The following ABCA13 variants were observed in gnomAD, a reference collection of about 807,000 sequenced individuals.
ABCA13 encodes the protein ATP-binding cassette sub-family A member 13.
In ABCA13, 476 loss-of-function variants were observed where a neutral mutation model predicts 478.7. The ratio of observed to expected loss-of-function variants is 0.99; its 90% confidence interval spans 0.92 to 1.07. The LOEUF (loss-of-function observed/expected upper bound fraction) is 1.07. Ranked by LOEUF, ABCA13 falls within the 50% of genes least tolerant of loss-of-function variation. The probability of loss-of-function intolerance (pLI) is 0.00; values close to 1 mark genes in which losing one functional copy is unlikely to be tolerated. For synonymous variants in ABCA13, 2,252 were observed against 2,158.9 expected (o/e 1.04, Z -1.20); for missense variants, 6,060 against 5,910.6 (o/e 1.03, Z -0.83).
At position 48,252,553 on chromosome 7, in the gene ABCA13, T is replaced by C. The variant is rs1792737800; in HGVS notation, c.2005+3202T>C. Among the ~76,000 whole-genome samples the C allele has an allele frequency of 3.9e-5, 6 of 152,148 alleles. No homozygotes were observed. In the South Asian group the frequency reaches 1.2e-3, roughly 32 times the overall value. ...TAGGCAATTGTAACATGATAGTAAG[T>C]ATTTGTGTATTTAAGCCTATATAAC... On this transcript the variant is annotated intron_variant, in intron 15 of 61. Coordinates refer to ENST00000435803, the MANE Select transcript of ABCA13 (RefSeq NM_152701.5).
intron 19 of ABCA13, among the ~76,000 whole-genome samples, chr7:48,285,355 G>A (rs766099901): frequency 3.9e-5 from 6 of 152,326 alleles, no homozygotes; most frequent in Non-Finnish European, 7.3e-5. Flanking sequence ...GCCAGGGATT[G>A]GGAGAGGCAA....
At chr7:48,351,135 A>T (rs1400207069) in intron 30 of ABCA13, among the ~76,000 whole-genome samples, 1 of 152,196 alleles carries the variant, frequency 6.6e-6, no homozygotes, top group Non-Finnish European at 1.5e-5. Context: ...ATCTCACACC[A>T]TAAGTTATAT....
chr7:48,523,490 A>G (rs1357209905), intron 53 of ABCA13, among the ~76,000 whole-genome samples: 2 of 152,024 alleles, frequency 1.3e-5, no homozygotes, highest in Non-Finnish European at 2.9e-5. Context: ...ATTACATGGC[A>G]ATTTACACTG....
chr7:48,477,565 AAAT>A (rs1828258443), intron 45 of ABCA13, among the ~76,000 whole-genome samples: 2 of 152,146 alleles, frequency 1.3e-5, no homozygotes, highest in African/African-American at 4.8e-5. Context: ...CAGCCATAAA[AAAT>A]AATGAGTTCA....
intron 1 of ABCA13, among the ~76,000 whole-genome samples, chr7:48,181,557 C>CAT (rs36146125): frequency 1.2e-3 from 177 of 146,646 alleles, no homozygotes; most frequent in East Asian, 7.0e-3. Flanking sequence ...AATGTTTTAT[C>CAT]TTTTTTTTTT....
intron 16 of ABCA13, among the ~76,000 whole-genome samples, chr7:48,271,401 G>A (rs1795588722): frequency 6.6e-6 from 1 of 152,096 alleles, no homozygotes; most frequent in Non-Finnish European, 1.5e-5. Flanking sequence ...CTACAGGCAT[G>A]GTTTCTAATG....
At chr7:48,430,620 G>A (rs957753859) in intron 42 of ABCA13, among the ~76,000 whole-genome samples, 5 of 148,806 alleles carry the variant, frequency 3.4e-5, no homozygotes, top group Non-Finnish European at 5.9e-5. Flanking sequence ...GTTGCAGTGA[G>A]CTGAGATTGT....
intron 47 of ABCA13, 59 bp from the exon 48 acceptor site, chr7:48,489,177 G>T: frequency 7.2e-7 from 1 of 1,391,656 alleles, no homozygotes; most frequent in South Asian, 1.3e-5. Context: ...CAGAATAGTT[G>T]ACAAACAGAC....
intron 4 of ABCA13, among the ~76,000 whole-genome samples, chr7:48,220,225 T>A (rs970688106): frequency 6.6e-6 from 1 of 152,198 alleles, no homozygotes; most frequent in Non-Finnish European, 1.5e-5. Context: ...GGCAGCCAGT[T>A]GCCTCTCTTC....
chr7:48,340,132 G>A (rs1460433073), intron 29 of ABCA13, among the ~76,000 whole-genome samples: 2 of 151,904 alleles, frequency 1.3e-5, no homozygotes, highest in Admixed American at 1.3e-4. Context: ...TTAGACAAGA[G>A]TTTTGCTCTT....
At chr7:48,423,381 C>T (rs1269424982) in intron 41 of ABCA13, among the ~76,000 whole-genome samples, 1 of 152,202 alleles carries the variant, frequency 6.6e-6, no homozygotes, top group Non-Finnish European at 1.5e-5. Context: ...AAAATTTGGT[C>T]AGCTTCAAAA....
Position 48,310,153 on chromosome 7 carries a change from A to G in ABCA13, c.9516+12A>G, listed in dbSNP as rs775097893. On this transcript the variant is annotated intron_variant, in intron 24 of 61. Coordinates refer to ENST00000435803, the MANE Select transcript of ABCA13 (RefSeq NM_152701.5). ...CTTTCATTTACAAGGTATGGAGAGC[A>G]TGCTGGCTGGGGGCAGTCCTCTGCA... 4 of 1,594,928 alleles carry G rather than the reference A, an allele frequency of 2.5e-6. No homozygotes were observed. In the Admixed American group the frequency reaches 6.8e-5, roughly 27 times the overall value.
At chr7:48,345,157 G>A (rs1359944538) in intron 29 of ABCA13, among the ~76,000 whole-genome samples, 1 of 152,186 alleles carries the variant, frequency 6.6e-6, no homozygotes, top group African/African-American at 2.4e-5. Flanking sequence ...GGATGTTGGT[G>A]TAAACAAACC....
At chr7:48,286,947 G>C (rs1278335782) in intron 19 of ABCA13, among the ~76,000 whole-genome samples, 1 of 152,090 alleles carries the variant, frequency 6.6e-6, no homozygotes, top group Non-Finnish European at 1.5e-5. Context: ...GCATCTAGGA[G>C]GTACAAAGCC....
intron 3 of ABCA13, among the ~76,000 whole-genome samples, chr7:48,208,490 G>A (rs2128936832): frequency 6.6e-6 from 1 of 151,972 alleles, no homozygotes; most frequent in South Asian, 2.1e-4. Context: ...TTTCATCAGG[G>A]TTTTATAGTT....
At chr7:48,511,232 G>A (rs372523565) in intron 51 of ABCA13, 33 bp downstream of exon 51, 6 of 1,555,876 alleles carry the variant, frequency 3.9e-6, no homozygotes, top group East Asian at 4.5e-5. Context: ...GCAGAATTAC[G>A]GTTTGTTTTC....
chr7:48,279,598 C>T lies in ABCA13; in HGVS notation c.8404C>T (p.Pro2802Ser). The change falls in exon 18 of 62, where the codon CCT (proline) becomes TCT (serine). Residue 2802 changes from proline to serine, a missense_variant. Pro to Ser is a moderately conservative substitution (Grantham distance 74). This residue lies in a region of ABCA13 where 4,423 missense variants were observed against 4,309.1 expected (regional missense o/e 1.03). Coordinates refer to ENST00000435803, the MANE Select transcript of ABCA13 (RefSeq NM_152701.5). The stretch of plus-strand genomic sequence containing the variant: ...GAATAAAAGTTTATATTTTGACACA[C>T]CTTTGAGTCAGAATATAACTCATCA... The part of the protein sequence containing the change: ...DLNKSLYFDT[P>S]LSQNITHHQL... The T allele has an allele frequency of 6.2e-7, 1 of 1,612,980 alleles. No individual in the cohort carries two copies. Among genetic ancestry groups the T allele is most frequent in the Non-Finnish European group, 8.5e-7 (1 of 1,179,404 alleles).
At chr7:48,350,553 CA>C in intron 29 of ABCA13, 89 bp from the exon 30 acceptor site, 1 of 1,350,292 alleles carries the variant, frequency 7.4e-7, no homozygotes, top group South Asian at 2.0e-5. Context: ...TATTCATTTT[CA>C]AATCCATTTG....
intron 27 of ABCA13, among the ~76,000 whole-genome samples, chr7:48,328,478 A>G (rs1804669733): frequency 6.6e-6 from 1 of 152,122 alleles, no homozygotes; most frequent in African/African-American, 2.4e-5. Context: ...GTTTGATATA[A>G]CCTCCTATAA....
Sources: gnomAD v4.1 joint callset for allele counts (sites outside exome capture counted in the v4.1 genomes callset) on GRCh38, gnomAD v4.1.1 for gene constraint, gnomAD v4.1.1 regional missense constraint, MANE v1.5 for transcripts, NCBI Gene and HGNC (gene_info 2026-07-23, HGNC 2026-07-21) for gene names.